Variants in CARF observed in about 807,000 individuals in gnomAD.
CARF encodes calcium-responsive transcription factor.
Under a neutral mutation model 82.0 loss-of-function variants are expected in CARF, and 57 were observed. The ratio of observed to expected loss-of-function variants is 0.70; its 90% CI spans 0.56 to 0.87. The LOEUF (loss-of-function observed/expected upper bound fraction) is 0.87, where lower values mean the gene tolerates loss of function less well. CARF is among the 40% of genes least tolerant of loss of function. The pLI is 0.00. For missense variants in CARF, 771 were observed against 855.8 expected, an observed-to-expected ratio of 0.90 and a Z score of 1.24; for synonymous variants, 268 against 290.1, an observed-to-expected ratio of 0.92 and a Z score of 0.77.
chr2:202,964,418 T>C (rs1188787941), intron 9 of CARF, among the ~76,000 whole-genome samples: 3 of 152,114 alleles, frequency 2.0e-5, no homozygotes, highest in Non-Finnish European at 4.4e-5. Flanking sequence ...TAGCTGGGAC[T>C]ACAGGTATAT....
At chr2:202,915,944 A>G (rs1002144579) in intron 1 of CARF, among the ~76,000 whole-genome samples, 1 of 152,242 alleles carries the variant, frequency 6.6e-6, no homozygotes, top group African/African-American at 2.4e-5. Flanking sequence ...TTGTTTATAT[A>G]TAATTGCATG....
chr2:202,944,433 G>T (rs1377007426), intron 5 of CARF, among the ~76,000 whole-genome samples: 1 of 151,982 alleles, frequency 6.6e-6, no homozygotes, highest in Non-Finnish European at 1.5e-5. Flanking sequence ...TATACCACAG[G>T]TAAACATTTT....
intron 9 of CARF, among the ~76,000 whole-genome samples, chr2:202,965,529 C>A (rs990431758): frequency 1.3e-5 from 2 of 151,882 alleles, no homozygotes; most frequent in African/African-American, 4.8e-5. Context: ...ATAGCCTTTG[C>A]ACATTTTTCT....
chr2:202,983,731 G>C lies in CARF; in HGVS notation c.*107G>C, dbSNP rs918696806. ...ATTGAGATAATTGGACTGAAGACCA[G>C]TTTGATGAGAAGCTTTTATTTAAAA... On this transcript the variant is annotated 3_prime_UTR_variant, in exon 17 of 17. Transcript: ENST00000438828. 62 of 714,290 alleles carry C rather than the reference G, an allele frequency of 8.7e-5. 1 individual carries two copies. The highest frequency in any genetic ancestry group is 9.7e-6 in the Non-Finnish European group (4 of 412,160). 44.2% of individuals were successfully genotyped at this position (714,290 alleles called of 1,614,324 possible).
chr2:202,980,745 C>T (rs1559286385), intron 14 of CARF, among the ~76,000 whole-genome samples: 1 of 145,300 alleles, frequency 6.9e-6, no homozygotes, highest in East Asian at 2.0e-4. Context: ...TGGATGTATA[C>T]CAAACATGTA....
chr2:202,921,320 C>A (rs1203584390), intron 2 of CARF, among the ~76,000 whole-genome samples: 1 of 152,034 alleles, frequency 6.6e-6, no homozygotes, highest in Non-Finnish European at 1.5e-5. Flanking sequence ...TTCTTTAATT[C>A]CAGAAAATTT....
chr2:202,915,751 G>C (rs905006256), intron 1 of CARF, among the ~76,000 whole-genome samples: 1 of 151,972 alleles, frequency 6.6e-6, no homozygotes, highest in Non-Finnish European at 1.5e-5. Flanking sequence ...ACAGGCATGA[G>C]CCACTGCACC....
intron 3 of CARF, among the ~76,000 whole-genome samples, chr2:202,940,195 A>C (rs572843500): frequency 6.6e-6 from 1 of 152,098 alleles, no homozygotes; most frequent in East Asian, 1.9e-4. Context: ...CACTGTGCCC[A>C]GCTAATTTTT....
intron 5 of CARF, among the ~76,000 whole-genome samples, chr2:202,951,198 C>T (rs895302350): frequency 6.6e-6 from 1 of 152,036 alleles, no homozygotes; most frequent in African/African-American, 2.4e-5. Context: ...AGGCACATGC[C>T]ATCACACTCA....
chr2:202,959,959 T>C (rs188279065), intron 8 of CARF, among the ~76,000 whole-genome samples: 1 of 152,144 alleles, frequency 6.6e-6, no homozygotes, highest in East Asian at 1.9e-4. Flanking sequence ...TTACAAAAAA[T>C]ACGTAAAATA....
intron 1 of CARF, among the ~76,000 whole-genome samples, chr2:202,913,969 C>T (rs1689125098): frequency 1.3e-5 from 2 of 152,108 alleles, no homozygotes; most frequent in Admixed American, 1.3e-4. Context: ...TTTCATTTGA[C>T]GGAGACCTTT....
At chr2:202,978,848 T>C (rs911455283) in intron 14 of CARF, among the ~76,000 whole-genome samples, 1 of 152,118 alleles carries the variant, frequency 6.6e-6, no homozygotes, top group Non-Finnish European at 1.5e-5. Flanking sequence ...GGGGAAGAAT[T>C]TTATTAAGAA....
At chr2:202,953,487 C>CTT (rs2058854835) in intron 6 of CARF, among the ~76,000 whole-genome samples, 2 of 39,880 alleles carry the variant, frequency 5.0e-5, no homozygotes, top group East Asian at 6.6e-4. Flanking sequence ...GCCTATTACT[C>CTT]TTTTTTTGTT....
intron 14 of CARF, among the ~76,000 whole-genome samples, chr2:202,980,267 T>C (rs2060194366): frequency 6.6e-6 from 1 of 152,170 alleles, no homozygotes; most frequent in Non-Finnish European, 1.5e-5. Context: ...CGATAATTAG[T>C]TCTTCACTGA....
At chr2:202,913,268 CAATAAA>C (rs1253878542) in intron 1 of CARF, among the ~76,000 whole-genome samples, 166 bp downstream of exon 1, 1 of 152,136 alleles carries the variant, frequency 6.6e-6, no homozygotes, top group East Asian at 1.9e-4. Flanking sequence ...AGAGCAATGA[CAATAAA>C]AGTAGGACTC....
intron 14 of CARF, among the ~76,000 whole-genome samples, chr2:202,981,230 G>T (rs1210507062): frequency 6.6e-6 from 1 of 152,118 alleles, no homozygotes; most frequent in Non-Finnish European, 1.5e-5. Flanking sequence ...TCAGGCATTA[G>T]ATTCTCATAA....
At chr2:202,914,860 A>G (rs948151086) in intron 1 of CARF, among the ~76,000 whole-genome samples, 2 of 152,050 alleles carry the variant, frequency 1.3e-5, no homozygotes, top group African/African-American at 2.4e-5. Context: ...AATGGATTGC[A>G]GGGAAGCTTA....
rs147870508 is a variant in CARF, at chr2:202,935,708, A to G, written c.-43-6152A>G. Among the ~76,000 whole-genome samples the G allele has an allele frequency of 2.2e-4, 34 of 152,284 alleles. 1 individual carries two copies. In the East Asian group the frequency reaches 6.4e-3, roughly 28 times the overall value. ...ACAGAGTGCTGGGATTACCCGCATG[A>G]GTCACCATGCTCAGCCTGACTTTGA... On this transcript the variant is annotated intron_variant, in intron 3 of 16. Coordinates refer to ENST00000438828, the MANE Select transcript of CARF (RefSeq NM_024744.17).
intron 5 of CARF, 79 bp from the exon 6 acceptor site, chr2:202,952,480 A>C (rs2058800825): frequency 2.2e-6 from 3 of 1,336,188 alleles, no homozygotes. Flanking sequence ...GTATGTGTTT[A>C]ATAATTTATT....
Sources: gnomAD v4.1 joint callset for allele counts (sites outside exome capture counted in the v4.1 genomes callset) on GRCh38, gnomAD v4.1.1 for gene constraint, MANE v1.5 for transcripts, NCBI Gene and HGNC (gene_info 2026-07-23, HGNC 2026-07-21) for gene names.